Variants in RBM26 observed in about 807,000 individuals in gnomAD.
RBM26 encodes the protein RNA binding motif protein 26, also known as RNA-binding protein 26.
In RBM26, 30 loss-of-function variants were observed where a neutral mutation model predicts 123.6. The ratio of observed to expected loss-of-function variants is 0.24; its 90% CI spans 0.18 to 0.33. The LOEUF (loss-of-function observed/expected upper bound fraction) is 0.33, where lower values mean the gene tolerates loss of function less well. Ranked by LOEUF, RBM26 falls within the 10% of genes least tolerant of loss-of-function variation. RBM26 has a pLI of 1.00. For missense variants in RBM26, 947 were observed against 1,203.6 expected, an observed-to-expected ratio of 0.79 and a Z score of 3.15; for synonymous variants, 400 against 404.4, an observed-to-expected ratio of 0.99 and a Z score of 0.13.
chr13:79,355,247 G>C lies in RBM26; in HGVS notation c.1827C>G (p.Thr609=). The C allele has an allele frequency of 6.2e-7, 1 of 1,613,788 alleles. No homozygotes were observed. Among genetic ancestry groups the C allele is most frequent in the Non-Finnish European group, 8.5e-7 (1 of 1,179,802 alleles). Residue 609 remains threonine (T), a synonymous_variant, in exon 12 of 22, where the codon ACC becomes ACG. Transcript: ENST00000438737. ...IKVYWHREGS[T]QQLQTTSPKV... ...TTGGAGAAGTAGTTTGTAACTGTTG[G>C]GTGCTTCCTTCTCTGTGCCAATAAA...
chr13:79,388,415 G>C (rs1566567385), intron 1 of RBM26, among the ~76,000 whole-genome samples: 1 of 152,214 alleles, frequency 6.6e-6, no homozygotes, highest in Non-Finnish European at 1.5e-5. Context: ...CTTAAAAAGA[G>C]ACTGGATCAA....
At position 79,355,224 on chromosome 13, in the gene RBM26, G is replaced by A; in HGVS notation, c.1850C>T (p.Pro617Leu). The change falls in exon 12 of 22, where the codon CCA (proline) becomes CTA (leucine). Residue 617 changes from proline to leucine, a missense_variant. This residue lies in a region of RBM26 where 493 missense variants were observed against 563.1 expected (regional missense o/e 0.88). Transcript: ENST00000438737. The stretch of plus-strand genomic sequence containing the variant: ...TTACACAAATTCCTCTCTTACCTTT[G>A]GAGAAGTAGTTTGTAACTGTTGGGT... ...GSTQQLQTTS[P>L]KVMQPLVQQP... 2 of 1,613,370 alleles carry A rather than the reference G, an allele frequency of 1.2e-6. No homozygotes were observed. The highest frequency in any genetic ancestry group is 2.2e-5 in the East Asian group (1 of 44,846).
At position 79,337,133 on chromosome 13, in the gene RBM26, C is replaced by T. The variant is rs144565592; in HGVS notation, c.2702G>A (p.Ser901Asn). ...RALEISAFTE[S>N]DREDLLPHFA... The stretch of plus-strand genomic sequence containing the variant: ...ATGAGGAAGAAGATCTTCTCTATCG[C>T]TCTCCGTAAATGCAGAAATCTCCAA... The change falls in exon 19 of 22, where the codon AGC (serine) becomes AAC (asparagine). Residue 901 changes from serine (S) to asparagine (N), a missense_variant. Coordinates refer to ENST00000438737, the MANE Select transcript of RBM26 (RefSeq NM_001366735.2). 3.1e-4 allele frequency: 496 copies of T among 1,613,984 alleles called. No individual in the cohort carries two copies. Among genetic ancestry groups the T allele is most frequent in the Non-Finnish European group, 4.0e-4 (477 of 1,180,028 alleles).
chr13:79,370,231 G>A (rs564876188), intron 5 of RBM26, among the ~76,000 whole-genome samples: 118 of 152,052 alleles, frequency 7.8e-4, no homozygotes, highest in Non-Finnish European at 8.4e-4. Flanking sequence ...CATGATCATC[G>A]CTTGAACTCA....
intron 18 of RBM26, 57 bp downstream of exon 18, chr13:79,341,066 C>T: frequency 2.1e-6 from 2 of 931,542 alleles, no homozygotes; most frequent in Admixed American, 2.1e-5. Flanking sequence ...TTTAAATTGA[C>T]CACTACAACT....
intron 14 of RBM26, among the ~76,000 whole-genome samples, chr13:79,350,842 C>T (rs906780552): frequency 5.3e-5 from 8 of 151,890 alleles, no homozygotes; most frequent in Non-Finnish European, 1.2e-4. Flanking sequence ...GGACCCAAAC[C>T]CCCTAAGGAT....
In RBM26 at chr13:79,366,522, T is replaced by A. The variant is rs569675698; in HGVS notation, c.1135+111A>T. 1.4e-5 allele frequency: 16 copies of A among 1,126,420 alleles called. 1 individual carries two copies. The highest frequency in any genetic ancestry group is 1.2e-4 in the South Asian group (7 of 56,720). The allele number at this position is 1,126,420 out of a possible 1,614,324, so 69.8% of individuals were successfully genotyped here. On this transcript the variant is annotated intron_variant, in intron 7 of 21. Coordinates refer to ENST00000438737, the MANE Select transcript of RBM26 (RefSeq NM_001366735.2). ...GGAAGTATACTGCTATTAATTTCTA[T>A]CAGGCATTTTTGGGATTCCTTTAGA... is the stretch of plus-strand genomic sequence containing the variant.
At chr13:79,364,044 T>C (rs1265184015) in intron 9 of RBM26, among the ~76,000 whole-genome samples, 2 of 152,106 alleles carry the variant, frequency 1.3e-5, no homozygotes, top group African/African-American at 4.8e-5. Flanking sequence ...TAGGTAAACA[T>C]CACACAACAG....
rs2075174134 is a variant in RBM26, at chr13:79,365,561, A to G, written c.1417+17T>C. 6 of 1,596,632 alleles carry G rather than the reference A, an allele frequency of 3.8e-6. No individual in the cohort carries two copies. The highest frequency in any genetic ancestry group is 5.1e-6 in the Non-Finnish European group (6 of 1,168,092). On this transcript the variant is annotated intron_variant, in intron 9 of 21. Coordinates refer to ENST00000438737, the MANE Select transcript of RBM26 (RefSeq NM_001366735.2). ...TATATTATGAAAATGACAGGAAGGAAAGATTAATTATAGTACCTCTGGGTG... is the reference window on the plus strand; with the variant it reads ...TATATTATGAAAATGACAGGAAGGAGAGATTAATTATAGTACCTCTGGGTG...
intron 9 of RBM26, among the ~76,000 whole-genome samples, chr13:79,364,821 A>G (rs1413905262): frequency 3.9e-5 from 6 of 152,172 alleles, no homozygotes; most frequent in Non-Finnish European, 8.8e-5. Context: ...TTCTTAACAC[A>G]TGATATCCTT....
chr13:79,369,549 C>G (rs1443860927), intron 5 of RBM26, among the ~76,000 whole-genome samples: 1 of 151,952 alleles, frequency 6.6e-6, no homozygotes, highest in Admixed American at 6.6e-5. Flanking sequence ...TAGATCACAG[C>G]AGGGGAAAAT....
intron 20 of RBM26, among the ~76,000 whole-genome samples, chr13:79,332,077 T>A (rs1749983): frequency 6.6e-6 from 1 of 151,960 alleles, no homozygotes; most frequent in East Asian, 1.9e-4. Flanking sequence ...TGTACTTTCA[T>A]CTTGAAATAC....
intron 5 of RBM26, among the ~76,000 whole-genome samples, chr13:79,369,657 AGTGTTTTAG>A (rs1304552883): frequency 6.6e-6 from 1 of 152,228 alleles, no homozygotes; most frequent in African/African-American, 2.4e-5. Flanking sequence ...TTTACTGAAA[AGTGTTTTAG>A]GTGTTTTACG....
chr13:79,340,191 C>A (rs1420818689), intron 18 of RBM26, among the ~76,000 whole-genome samples: 3 of 151,542 alleles, frequency 2.0e-5, no homozygotes, highest in Admixed American at 1.3e-4. Flanking sequence ...AAATACTGGG[C>A]AGGACACACA....
Position 79,386,591 on chromosome 13 carries a change from T to TAAA in RBM26, c.72-7687_72-7685dup, listed in dbSNP as rs398023598. Among the ~76,000 whole-genome samples, 4 of 92,828 alleles carry TAAA rather than the reference T, an allele frequency of 4.3e-5. 1 individual carries two copies. The highest frequency in any genetic ancestry group is 4.1e-4 in the East Asian group (1 of 2,448). The allele number at this position is 92,828 out of a possible 152,430, so 60.9% of individuals were successfully genotyped here. On this transcript the variant is annotated intron_variant, in intron 1 of 21. Coordinates refer to ENST00000438737, the MANE Select transcript of RBM26 (RefSeq NM_001366735.2). ...ACATCAAGCCACAGAACTCTCTCTT[T>TAAA]AAAAAAAAAAAAAAAAAAAAGGTGT...
At chr13:79,331,244 T>A (rs1354800045) in intron 20 of RBM26, among the ~76,000 whole-genome samples, 1 of 151,702 alleles carries the variant, frequency 6.6e-6, no homozygotes, top group Non-Finnish European at 1.5e-5. Flanking sequence ...ACTCAAGAGA[T>A]CCACCCCACT....
At chr13:79,369,023 C>G in intron 5 of RBM26, 33 bp from the exon 6 acceptor site, 2 of 1,355,750 alleles carry the variant, frequency 1.5e-6, no homozygotes, top group Non-Finnish European at 2.0e-6. Context: ...TATAAAACTA[C>G]ACTGTATTAA....
At chr13:79,372,233 C>G (rs1373452935) in intron 3 of RBM26, among the ~76,000 whole-genome samples, 1 of 152,114 alleles carries the variant, frequency 6.6e-6, no homozygotes, top group African/African-American at 2.4e-5. Context: ...GAGCTGAGAT[C>G]GCGCCAGTGC....
intron 4 of RBM26, among the ~76,000 whole-genome samples, chr13:79,371,450 T>A (rs928742540): frequency 1.3e-5 from 2 of 152,148 alleles, no homozygotes; most frequent in African/African-American, 4.8e-5. Flanking sequence ...TAGAACATAC[T>A]ATCCCGTACA....
Sources: gnomAD v4.1 joint callset for allele counts (sites outside exome capture counted in the v4.1 genomes callset) on GRCh38, gnomAD v4.1.1 for gene constraint, gnomAD v4.1.1 regional missense constraint, MANE v1.5 for transcripts, NCBI Gene and HGNC (gene_info 2026-07-23, HGNC 2026-07-21) for gene names.